The following OPRM1 variants were observed in gnomAD, a reference collection of about 807,000 sequenced individuals.
The protein encoded by OPRM1 is mu-type opioid receptor.
A neutral mutation model predicts 31.8 loss-of-function variants in OPRM1; 27 were observed. The ratio of observed to expected loss-of-function variants is 0.85; its 90% CI spans 0.63 to 1.17. The LOEUF (loss-of-function observed/expected upper bound fraction) is 1.17. Ranked by LOEUF, OPRM1 falls within the 50% of genes most tolerant of loss-of-function variation. The probability of loss-of-function intolerance (pLI) is 0.00; values close to 1 mark genes in which losing one functional copy is unlikely to be tolerated. For missense variants in OPRM1, 536 were observed against 511.1 expected, an observed-to-expected ratio of 1.05 and a Z score of -0.47; for synonymous variants, 196 against 189.9, an observed-to-expected ratio of 1.03 and a Z score of -0.26.
At chr6:154,164,603 T>G (rs1022119931) in intron 3 of OPRM1, among the ~76,000 whole-genome samples, 1 of 152,172 alleles carries the variant, frequency 6.6e-6, no homozygotes, top group Non-Finnish European at 1.5e-5. Context: ...AAAAATACCA[T>G]GAAAGAGAGA....
chr6:154,038,920 C>T (rs1342028322), upstream of OPRM1, among the ~76,000 whole-genome samples: 1 of 152,146 alleles, frequency 6.6e-6, no homozygotes, highest in African/African-American at 2.4e-5. Context: ...GCAACAAGGA[C>T]TGCAAAAGAA....
intron 3 of OPRM1, among the ~76,000 whole-genome samples, chr6:154,177,806 T>A (rs2128563590): frequency 6.6e-6 from 1 of 152,324 alleles, no homozygotes; most frequent in Non-Finnish European, 1.5e-5. Context: ...TCCAAAGGAT[T>A]ATAAATCATG....
intron 3 of OPRM1, among the ~76,000 whole-genome samples, chr6:154,243,812 T>C (rs968474893): frequency 2.0e-5 from 3 of 152,204 alleles, no homozygotes; most frequent in South Asian, 2.1e-4. Context: ...CTTGGGACAA[T>C]TGACGCAATC....
chr6:154,234,478 C>T (rs1012601246), intron 3 of OPRM1, among the ~76,000 whole-genome samples: 1 of 152,230 alleles, frequency 6.6e-6, no homozygotes, highest in Non-Finnish European at 1.5e-5. Context: ...GAAACCTAAA[C>T]CAGGATGCTA....
Position 154,219,638 on chromosome 6 carries a change from T to C in OPRM1, c.1165-27055T>C, listed in dbSNP as rs994438156. 3.4e-5 allele frequency among the ~76,000 whole-genome samples: 5 copies of C among 147,684 alleles called. No homozygotes were observed. The East Asian group carries it at 9.9e-4, about 29-fold the overall frequency. ...AACAGGATTTAGCAACTGATGCAAA[T>C]AAAAAAAAAATAAGTAAAGATCTTT... On this transcript the variant is annotated intron_variant, in intron 3 of 3. Transcript: ENST00000337049.
intron 1 of OPRM1, among the ~76,000 whole-genome samples, chr6:154,061,830 A>G (rs1275792697): frequency 6.6e-6 from 1 of 151,374 alleles, no homozygotes; most frequent in Non-Finnish European, 1.5e-5. Context: ...AATAGTTGGA[A>G]AAAAAAAAGG....
intron 3 of OPRM1, among the ~76,000 whole-genome samples, chr6:154,141,654 G>A (rs908099551): frequency 9.9e-5 from 15 of 152,226 alleles, no homozygotes; most frequent in African/African-American, 3.6e-4. Context: ...TATGTAAGAT[G>A]AACATTGGTT....
At chr6:154,095,936 C>T (rs1793301061) in intron 3 of OPRM1, among the ~76,000 whole-genome samples, 1 of 152,228 alleles carries the variant, frequency 6.6e-6, no homozygotes, top group African/African-American at 2.4e-5. Context: ...TTATTTCGAT[C>T]ACTTCAGGTT....
At chr6:154,104,914 A>T (rs1795366792) in intron 3 of OPRM1, among the ~76,000 whole-genome samples, 1 of 152,232 alleles carries the variant, frequency 6.6e-6, no homozygotes, top group Non-Finnish European at 1.5e-5. Context: ...AAGTAACTTC[A>T]GTCTTCTGGA....
chr6:154,245,613 C>A (rs574346171), intron 3 of OPRM1, among the ~76,000 whole-genome samples: 1 of 152,180 alleles, frequency 6.6e-6, no homozygotes, highest in African/African-American at 2.4e-5. Flanking sequence ...TGCATGCCCA[C>A]GTCATTTCAC....
chr6:154,244,297 G>T (rs934050311), intron 3 of OPRM1, among the ~76,000 whole-genome samples: 6 of 76,802 alleles, frequency 7.8e-5, no homozygotes, highest in Admixed American at 1.5e-4. Context: ...TGTGTGTGTG[G>T]GTGGGTGTGT....
At chr6:154,244,003 A>T (rs1780813418) in intron 3 of OPRM1, among the ~76,000 whole-genome samples, 1 of 152,216 alleles carries the variant, frequency 6.6e-6, no homozygotes, top group Non-Finnish European at 1.5e-5. Context: ...GCTACCTCTC[A>T]GCATTAGGCT....
In OPRM1 at chr6:154,120,790, C is replaced by T. The variant is rs749730390; in HGVS notation, c.*2069C>T. Among the ~76,000 whole-genome samples, 58 of 151,926 alleles carry T rather than the reference C, an allele frequency of 3.8e-4. No homozygotes were observed. Among genetic ancestry groups the T allele is most frequent in the Non-Finnish European group, 7.6e-4 (52 of 67,992 alleles). On this transcript the variant is annotated 3_prime_UTR_variant, in exon 4 of 4. Transcript: ENST00000330432. ...TTCTGCTTAATACCAGCTCCTAGTACGAATTATCTGGCATGTTGAGAGCAA... is the reference window on the plus strand; with the variant it reads ...TTCTGCTTAATACCAGCTCCTAGTATGAATTATCTGGCATGTTGAGAGCAA...
chr6:154,213,805 A>AGGGTAATT (rs1778158328), intron 3 of OPRM1, among the ~76,000 whole-genome samples: 1 of 152,218 alleles, frequency 6.6e-6, no homozygotes, highest in Admixed American at 6.5e-5. Flanking sequence ...GTACAATCTT[A>AGGGTAATT]GGGTAATTAG....
At chr6:154,190,299 C>T (rs776494792) in intron 3 of OPRM1, among the ~76,000 whole-genome samples, 3 of 152,012 alleles carry the variant, frequency 2.0e-5, no homozygotes, top group Non-Finnish European at 2.9e-5. Flanking sequence ...GGCAAAAGAT[C>T]TCAACAGATA....
rs1398235437 is a variant in OPRM1 at position 154,122,961 on chromosome 6, G to A, written c.*4240G>A. On this transcript the variant is annotated 3_prime_UTR_variant, in exon 4 of 4. Coordinates refer to ENST00000330432, the MANE Select transcript of OPRM1 (RefSeq NM_000914.5). ...ATTGTCTAAGGTGTTATCCGAGCTC[G>A]TTGTCTCACAACCAAGAAAATTAAG... Among the ~76,000 whole-genome samples the A allele has an allele frequency of 6.6e-6, 1 of 152,114 alleles. No individual in the cohort carries two copies. Among genetic ancestry groups the A allele is most frequent in the Non-Finnish European group, 1.5e-5 (1 of 68,022 alleles).
chr6:154,195,031 C>T (rs1020214195), intron 3 of OPRM1, among the ~76,000 whole-genome samples: 5 of 152,152 alleles, frequency 3.3e-5, no homozygotes, highest in Admixed American at 3.3e-4. Context: ...CCCCTTCCTT[C>T]CCGTCTCCAC....
At chr6:154,177,663 A>T (rs1165881148) in intron 3 of OPRM1, among the ~76,000 whole-genome samples, 3 of 152,240 alleles carry the variant, frequency 2.0e-5, no homozygotes, top group Non-Finnish European at 2.9e-5. Flanking sequence ...GGATGTGGAG[A>T]AATAGGAACA....
chr6:154,217,642 A>C (rs1778521109), intron 3 of OPRM1, among the ~76,000 whole-genome samples: 1 of 152,218 alleles, frequency 6.6e-6, no homozygotes, highest in East Asian at 1.9e-4. Context: ...ATGTATTATT[A>C]ACTAAAATAA....
Sources: gnomAD v4.1 joint callset for allele counts (sites outside exome capture counted in the v4.1 genomes callset) on GRCh38, gnomAD v4.1.1 for gene constraint, MANE v1.5 for transcripts, NCBI Gene and HGNC (gene_info 2026-07-23, HGNC 2026-07-21) for gene names.